The following MYD88 variants were observed in gnomAD, a reference collection of about 807,000 sequenced individuals.
MYD88 encodes the protein MYD88 innate immune signal transduction adaptor.
In MYD88, 15 loss-of-function variants were observed where a neutral mutation model predicts 31.1. The observed-to-expected ratio is 0.48, with a 90% CI of 0.32 to 0.74. The LOEUF (loss-of-function observed/expected upper bound fraction) is 0.74, where lower values mean the gene tolerates loss of function less well. Among genes scored for constraint, MYD88 ranks in the 30% least tolerant of loss-of-function variants. MYD88 has a pLI of 0.03. For synonymous variants in MYD88, 157 were observed against 158.8 expected (o/e 0.99, Z 0.08); for missense variants, 308 against 387.4 (o/e 0.79, Z 1.72).
At chr3:38,140,243 T>C (rs1701043330) in intron 2 of MYD88, 145 bp from the exon 3 acceptor site, 1 of 1,047,894 alleles carries the variant, frequency 9.5e-7, no homozygotes, top group Non-Finnish European at 1.4e-6. Context: ...TCATCTTTCC[T>C]CTCCTGGAAA....
Position 38,141,270 on chromosome 3 carries a change from C to T in MYD88, c.875C>T (p.Ala292Val), listed in dbSNP as rs767079920. 2 of 1,614,242 alleles carry T rather than the reference C, an allele frequency of 1.2e-6. No individual in the cohort carries two copies. The highest frequency in any genetic ancestry group is 1.7e-6 in the Non-Finnish European group (2 of 1,180,046). The change falls in exon 5 of 5, where the codon GCC (alanine) becomes GTC (valine). Residue 292 changes from alanine (A) to valine (V), a missense_variant. By Grantham distance (64) the Ala-to-Val change is moderately conservative (BLOSUM62 0). Coordinates refer to ENST00000650905, the MANE Select transcript of MYD88 (RefSeq NM_002468.5). ...KSWFWTRLAK[A>V]LSLP ...TGGTTCTGGACTCGCCTTGCCAAGG[C>T]CTTGTCCCTGCCCTGAAGACTGTTC... is the stretch of plus-strand genomic sequence containing the variant.
Position 38,139,218 on chromosome 3 carries a change from G to A in MYD88, c.328+190G>A. On this transcript the variant is annotated intron_variant, in intron 1 of 4. Coordinates refer to ENST00000650905, the MANE Select transcript of MYD88 (RefSeq NM_002468.5). The surrounding 1 kb of genome is among the most constrained non-coding windows in gnomAD (Gnocchi z 4.7). ...GTCGCGGTTATTAAGAAGGACTGGA[G>A]AAAGGTCCGGATAGGCGGAGATGGG... 1 of 771,770 alleles carries A rather than the reference G, an allele frequency of 1.3e-6. No individual in the cohort carries two copies. The highest frequency in any genetic ancestry group is 2.0e-6 in the Non-Finnish European group (1 of 495,792). 47.8% of individuals were successfully genotyped at this position (771,770 alleles called of 1,614,324 possible). A position where few individuals can be genotyped will look rare whatever the true frequency, so the allele number is the denominator to read the frequency against.
In MYD88 at chr3:38,139,540, C is replaced by T. The variant is rs1701023751; in HGVS notation, c.329-324C>T. 1 of 453,824 alleles carries T rather than the reference C, an allele frequency of 2.2e-6. No individual in the cohort carries two copies. Among genetic ancestry groups the T allele is most frequent in the East Asian group, 4.4e-5 (1 of 22,534 alleles). The allele number at this position is 453,824 out of a possible 1,614,324, so 28.1% of individuals were successfully genotyped here. ...CCTGAGCCTTTCTGGCATGCCCAGC[C>T]CCTTGCTCACATCTGCCCTGGATCC... On this transcript the variant is annotated intron_variant, in intron 1 of 4. Transcript: ENST00000650905. The surrounding 1 kb of genome is among the most constrained non-coding windows in gnomAD (Gnocchi z 4.7).
chr3:38,141,942 A>C lies in MYD88; in HGVS notation c.*656A>C. ...TCCACCTCTCATCTGCATCTTTCAC[A>C]CCTCCCAGCTTCTGCCCAACCTTCA... is the stretch of plus-strand genomic sequence containing the variant. On this transcript the variant is annotated 3_prime_UTR_variant, in exon 5 of 5. Coordinates refer to ENST00000650905, the MANE Select transcript of MYD88 (RefSeq NM_002468.5). 4.2e-6 allele frequency: 1 copy of C among 238,262 alleles called. No homozygotes were observed. The allele number at this position is 238,262 out of a possible 1,614,324, so 14.8% of individuals were successfully genotyped here.
In MYD88 at chr3:38,141,135, C is replaced by T. The variant is rs781778676; in HGVS notation, c.740C>T (p.Ala247Val). 33 of 1,614,072 alleles carry T rather than the reference C, an allele frequency of 2.0e-5. No homozygotes were observed. Among genetic ancestry groups the T allele is most frequent in the Non-Finnish European group, 2.8e-5 (33 of 1,180,032 alleles). Residue 247 changes from alanine (A) to valine (V), a missense_variant, in exon 5 of 5, where the codon GCC (alanine) becomes GTC (valine). By Grantham distance (64) the Ala-to-Val change is moderately conservative. Transcript: ENST00000650905. ...CATGGCACCCCTTGGCTTGCAGGTGCCCATCAGAAGCGACTGATCCCCATC... is the reference window on the plus strand; with the variant it reads ...CATGGCACCCCTTGGCTTGCAGGTGTCCATCAGAAGCGACTGATCCCCATC... ...TKFALSLSPG[A>V]HQKRLIPIKY...
rs143065501 is a variant in MYD88, at chr3:38,141,993, G to T, written c.*707G>T. On this transcript the variant is annotated 3_prime_UTR_variant, in exon 5 of 5. Transcript: ENST00000650905. ...GCAGTGACAAGTCCCCAAGAGACTC[G>T]CCTGAGCAGCTTGGGCTGCTTTTCA... 1 of 237,048 alleles carries T rather than the reference G, an allele frequency of 4.2e-6. No individual in the cohort carries two copies. Among genetic ancestry groups the T allele is most frequent in the Admixed American group, 5.3e-5 (1 of 18,748 alleles). The allele number at this position is 237,048 out of a possible 1,614,324, so 14.7% of individuals were successfully genotyped here.
rs566004944 is a variant in MYD88, at chr3:38,140,487, G to T, written c.563G>T (p.Arg188Leu). ...CGGCAACTGGAACAGACAAACTATC[G>T]ACTGAAGTTGTGTGTGTCTGACCGC... ...MIRQLEQTNYRLKLCVSDRDV... is the reference protein window; with the variant it reads ...MIRQLEQTNYLLKLCVSDRDV... Residue 188 changes from arginine to leucine, a missense_variant, in exon 3 of 5, where the codon CGA (arginine) becomes CTA (leucine). Arg to Leu is a moderately radical substitution (Grantham distance 102). Transcript: ENST00000650905. The T allele has an allele frequency of 6.2e-7, 1 of 1,614,102 alleles. No individual in the cohort carries two copies. The highest frequency in any genetic ancestry group is 1.1e-5 in the South Asian group (1 of 91,078).
rs1013815959 is a variant in MYD88, at chr3:38,139,514, T to G, written c.329-350T>G. 10 of 428,922 alleles carry G rather than the reference T, an allele frequency of 2.3e-5. No individual in the cohort carries two copies. Among genetic ancestry groups the G allele is most frequent in the Admixed American group, 1.8e-4 (5 of 28,388 alleles). The allele number at this position is 428,922 out of a possible 1,614,324, so 26.6% of individuals were successfully genotyped here. ...ATCACTGCACCATAACCAGTGGGTCTCCTGAGCCTTTCTGGCATGCCCAGC... is the reference window on the plus strand; with the variant it reads ...ATCACTGCACCATAACCAGTGGGTCGCCTGAGCCTTTCTGGCATGCCCAGC... On this transcript the variant is annotated intron_variant, in intron 1 of 4. Coordinates refer to ENST00000650905, the MANE Select transcript of MYD88 (RefSeq NM_002468.5). This position sits in a 1 kb window ranked among gnomAD's most constrained non-coding sequence, Gnocchi z 4.7.
In MYD88 at chr3:38,139,435, T is replaced by A; in HGVS notation, c.328+407T>A. On this transcript the variant is annotated intron_variant, in intron 1 of 4. Transcript: ENST00000650905. This position sits in a 1 kb window ranked among gnomAD's most constrained non-coding sequence, Gnocchi z 4.7. The stretch of plus-strand genomic sequence containing the variant: ...CTCACTGGCACTTACATAATATACA[T>A]GCATAGGCGTTGGATACAGCCGCCC... 2.5e-6 allele frequency: 1 copy of A among 394,968 alleles called. No individual in the cohort carries two copies. The highest frequency in any genetic ancestry group is 3.9e-5 in the Admixed American group (1 of 25,576). 24.5% of individuals were successfully genotyped at this position (394,968 alleles called of 1,614,324 possible).
chr3:38,141,039 G>T (rs952305691), intron 4 of MYD88, 93 bp from the exon 5 acceptor site: 1 of 1,561,054 alleles, frequency 6.4e-7, no homozygotes, highest in Admixed American at 1.7e-5. Context: ...ACTTAGATGG[G>T]GGATGGCTGT....
At position 38,142,388 on chromosome 3, in the gene MYD88, G is replaced by T. The variant is rs1575279766; in HGVS notation, c.*1102G>T. 4.3e-6 allele frequency: 1 copy of T among 233,290 alleles called. No individual in the cohort carries two copies. Among genetic ancestry groups the T allele is most frequent in the East Asian group, 6.0e-5 (1 of 16,586 alleles). The allele number at this position is 233,290 out of a possible 1,614,324, so 14.5% of individuals were successfully genotyped here. ...TAGGTACAGCTCCCAGGAACAGCTA[G>T]GTGGGAAAGTCCCATCACTGAGGGA... is the stretch of plus-strand genomic sequence containing the variant. On this transcript the variant is annotated 3_prime_UTR_variant, in exon 5 of 5. Coordinates refer to ENST00000650905, the MANE Select transcript of MYD88 (RefSeq NM_002468.5).
chr3:38,141,531 A>G lies in MYD88; in HGVS notation c.*245A>G. On this transcript the variant is annotated 3_prime_UTR_variant, in exon 5 of 5. Coordinates refer to ENST00000650905, the MANE Select transcript of MYD88 (RefSeq NM_002468.5). The stretch of plus-strand genomic sequence containing the variant: ...AGCCAGGACACTATAGAACAGGACC[A>G]GCTGAGACTAAGAAGGACCAGCAGA... 1 of 589,690 alleles carries G rather than the reference A, an allele frequency of 1.7e-6. No individual in the cohort carries two copies. Among genetic ancestry groups the G allele is most frequent in the South Asian group, 1.9e-5 (1 of 53,228 alleles). 36.5% of individuals were successfully genotyped at this position (589,690 alleles called of 1,614,324 possible).
chr3:38,138,666 G>C lies in MYD88; in HGVS notation c.-35G>C. On this transcript the variant is annotated 5_prime_UTR_variant, in exon 1 of 5. Coordinates refer to ENST00000650905, the MANE Select transcript of MYD88 (RefSeq NM_002468.5). This position sits in a 1 kb window ranked among gnomAD's most constrained non-coding sequence, Gnocchi z 6.4. Reference sequence around the variant, plus strand: ...AAGAGGAAGCGCTGGCAGACAATGCGACCCGACCGCGCTGAGGCTCCAGGA... The same window carrying C: ...AAGAGGAAGCGCTGGCAGACAATGCCACCCGACCGCGCTGAGGCTCCAGGA... 3 of 1,554,330 alleles carry C rather than the reference G, an allele frequency of 1.9e-6. No homozygotes were observed. Among genetic ancestry groups the C allele is most frequent in the Non-Finnish European group, 2.6e-6 (3 of 1,149,208 alleles).
In MYD88 at chr3:38,138,885, G is replaced by C; in HGVS notation, c.185G>C (p.Arg62Pro). 1 of 1,613,662 alleles carries C rather than the reference G, an allele frequency of 6.2e-7. No homozygotes were observed. The highest frequency in any genetic ancestry group is 8.5e-7 in the Non-Finnish European group (1 of 1,180,016). ...EEMDFEYLEI[R>P]QLETQADPTG... ...ATGGACTTTGAGTACTTGGAGATCCGGCAACTGGAGACACAAGCGGACCCC... is the reference window on the plus strand; with the variant it reads ...ATGGACTTTGAGTACTTGGAGATCCCGCAACTGGAGACACAAGCGGACCCC... The change falls in exon 1 of 5, where the codon CGG (arginine) becomes CCG (proline). Residue 62 changes from arginine (R) to proline (P), a missense_variant. Arg to Pro is a moderately radical substitution (Grantham distance 103). Transcript: ENST00000650905. The surrounding 1 kb of genome is among the most constrained non-coding windows in gnomAD (Gnocchi z 6.4).
At position 38,142,751 on chromosome 3, in the gene MYD88, G is replaced by C. The variant is rs1369279465; in HGVS notation, c.*1465G>C. On this transcript the variant is annotated 3_prime_UTR_variant, in exon 5 of 5. Transcript: ENST00000650905. ...ATATCTTTGCTCCACTTTCAGCCAG[G>C]CTGGAGCAAGGTACCTTTTCTTAGG... 4.3e-6 allele frequency: 1 copy of C among 233,120 alleles called. No individual in the cohort carries two copies. Among genetic ancestry groups the C allele is most frequent in the African/African-American group, 2.2e-5 (1 of 45,320 alleles). 14.4% of individuals were successfully genotyped at this position (233,120 alleles called of 1,614,324 possible). A position where few individuals can be genotyped will look rare whatever the true frequency, so the allele number is the denominator to read the frequency against.
rs1297542986 is a variant in MYD88 at position 38,139,497 on chromosome 3, A to G, written c.329-367A>G. The G allele has an allele frequency of 2.4e-6, 1 of 418,580 alleles. No homozygotes were observed. The highest frequency in any genetic ancestry group is 5.1e-5 in the East Asian group (1 of 19,626). 25.9% of individuals were successfully genotyped at this position (418,580 alleles called of 1,614,324 possible). A position where few individuals can be genotyped will look rare whatever the true frequency, so the allele number is the denominator to read the frequency against. ...CACCTTGCTGAGTTGGAATCACTGC[A>G]CCATAACCAGTGGGTCTCCTGAGCC... On this transcript the variant is annotated intron_variant, in intron 1 of 4. Transcript: ENST00000650905. The surrounding 1 kb of genome is among the most constrained non-coding windows in gnomAD (Gnocchi z 4.7).
At position 38,142,761 on chromosome 3, in the gene MYD88, G is replaced by A. The variant is rs1410928411; in HGVS notation, c.*1475G>A. ...TCCACTTTCAGCCAGGCTGGAGCAA[G>A]GTACCTTTTCTTAGGATCTTGGGAG... is the stretch of plus-strand genomic sequence containing the variant. On this transcript the variant is annotated 3_prime_UTR_variant, in exon 5 of 5. Coordinates refer to ENST00000650905, the MANE Select transcript of MYD88 (RefSeq NM_002468.5). The A allele has an allele frequency of 4.3e-6, 1 of 233,254 alleles. No individual in the cohort carries two copies. Among genetic ancestry groups the A allele is most frequent in the African/African-American group, 2.2e-5 (1 of 45,430 alleles). 14.4% of individuals were successfully genotyped at this position (233,254 alleles called of 1,614,324 possible). A position where few individuals can be genotyped will look rare whatever the true frequency, so the allele number is the denominator to read the frequency against.
Position 38,141,146 on chromosome 3 carries a change from C to T in MYD88, c.751C>T (p.Arg251Ter), listed in dbSNP as rs748659894. Reference sequence around the variant, plus strand: ...TTGGCTTGCAGGTGCCCATCAGAAGCGACTGATCCCCATCAAGTACAAGGC... The same window carrying T: ...TTGGCTTGCAGGTGCCCATCAGAAGTGACTGATCCCCATCAAGTACAAGGC... ...LSLSPGAHQK[R>*]LIPIKYKAMK... The change falls in exon 5 of 5, where the codon CGA becomes TGA. Residue 251 changes from arginine to a stop codon, truncating the protein, a stop_gained. Transcript: ENST00000650905. LOFTEE classifies it high-confidence loss of function. The T allele has an allele frequency of 1.1e-5, 17 of 1,614,048 alleles. No homozygotes were observed. The highest frequency in any genetic ancestry group is 4.5e-5 in the East Asian group (2 of 44,888).
Position 38,141,355 on chromosome 3 carries a change from C to G in MYD88, c.*69C>G. On this transcript the variant is annotated 3_prime_UTR_variant, in exon 5 of 5. Coordinates refer to ENST00000650905, the MANE Select transcript of MYD88 (RefSeq NM_002468.5). ...TCCATGTACTTCTGCCCTGCCTCCT[C>G]CTTTCGTTGTAGGAGGAATCTGTGC... The G allele has an allele frequency of 1.3e-6, 2 of 1,594,672 alleles. No homozygotes were observed. Among genetic ancestry groups the G allele is most frequent in the Non-Finnish European group, 1.7e-6 (2 of 1,162,706 alleles).
Sources: gnomAD v4.1 joint callset for allele counts on GRCh38, gnomAD v4.1.1 for gene constraint, Gnocchi (gnomAD v3.1) non-coding constraint, MANE v1.5 for transcripts, NCBI Gene and HGNC (gene_info 2026-07-23, HGNC 2026-07-21) for gene names.